Variants in MARCHF1 observed in about 807,000 individuals in gnomAD.
MARCHF1 encodes the protein membrane associated ring-CH-type finger 1.
In MARCHF1, 40 loss-of-function variants were observed where a neutral mutation model predicts 54.2. That is an observed-to-expected ratio of 0.74 (90% confidence interval 0.57 to 0.96). MARCHF1 has a LOEUF of 0.96. MARCHF1 is among the 40% of genes least tolerant of loss of function. The pLI is 0.00. For synonymous variants in MARCHF1, 236 were observed against 236.3 expected (o/e 1.00, Z 0.01); for missense variants, 586 against 656.5 (o/e 0.89, Z 1.17).
At chr4:163,898,080 A>AC in intron 3 of MARCHF1, among the ~76,000 whole-genome samples, 1 of 151,146 alleles carries the variant, frequency 6.6e-6, no homozygotes, top group Non-Finnish European at 1.5e-5. Context: ...AAAAAAAAAA[A>AC]AAAAATCCTT....
intron 2 of MARCHF1, among the ~76,000 whole-genome samples, chr4:164,095,423 C>T (rs894278511): frequency 1.4e-4 from 22 of 152,000 alleles, no homozygotes; most frequent in Non-Finnish European, 1.5e-5. Context: ...CAAACACACA[C>T]ACACACACAC....
chr4:163,837,403 T>C (rs1351515478), intron 4 of MARCHF1, among the ~76,000 whole-genome samples: 10 of 152,206 alleles, frequency 6.6e-5, no homozygotes, highest in African/African-American at 1.2e-4. Flanking sequence ...TTTTCAGTGC[T>C]AATTTAACAT....
At chr4:163,660,324 G>A (rs149748130) in intron 5 of MARCHF1, among the ~76,000 whole-genome samples, 5 of 152,086 alleles carry the variant, frequency 3.3e-5, no homozygotes, top group African/African-American at 1.2e-4. Flanking sequence ...AACACTGCAT[G>A]TTCTCATTCA....
chr4:164,111,685 G>A (rs182699520), intron 1 of MARCHF1, 23 bp from the exon 2 acceptor site: 28 of 151,760 alleles, frequency 1.8e-4, no homozygotes, highest in African/African-American at 6.0e-4. Context: ...TTAAATTAAT[G>A]TTAAGGCCAA....
At chr4:163,732,789 G>A (rs955121577) in intron 4 of MARCHF1, among the ~76,000 whole-genome samples, 20 of 152,078 alleles carry the variant, frequency 1.3e-4, no homozygotes, top group African/African-American at 3.9e-4. Context: ...TAAATATTAA[G>A]CAAAATAAAG....
At chr4:163,692,565 C>CA (rs1434223419) in intron 5 of MARCHF1, among the ~76,000 whole-genome samples, 1 of 151,632 alleles carries the variant, frequency 6.6e-6, no homozygotes, top group Non-Finnish European at 1.5e-5. Flanking sequence ...TAGCGAGATA[C>CA]CACAGGGCTG....
At chr4:163,776,506 C>T (rs989599700) in intron 4 of MARCHF1, among the ~76,000 whole-genome samples, 10 of 151,722 alleles carry the variant, frequency 6.6e-5, no homozygotes, top group African/African-American at 2.4e-4. Flanking sequence ...CACAATTTTC[C>T]AATAGTGTTT....
chr4:163,564,250 C>T (rs188632861), intron 8 of MARCHF1, among the ~76,000 whole-genome samples: 1 of 152,116 alleles, frequency 6.6e-6, no homozygotes, highest in Non-Finnish European at 1.5e-5. Context: ...AACCAAAAAG[C>T]CTTTGTTGAC....
chr4:163,730,042 G>T (rs1214029566), intron 4 of MARCHF1, among the ~76,000 whole-genome samples: 1 of 151,940 alleles, frequency 6.6e-6, no homozygotes, highest in African/African-American at 2.4e-5. Context: ...CCACTTGATG[G>T]TGTCCCAGTT....
chr4:164,227,047 T>C (rs2111167951), intron 1 of MARCHF1, among the ~76,000 whole-genome samples: 1 of 152,220 alleles, frequency 6.6e-6, no homozygotes, highest in South Asian at 2.1e-4. Flanking sequence ...AATAAATTTG[T>C]TAATAGTGAT....
intron 5 of MARCHF1, among the ~76,000 whole-genome samples, chr4:163,668,114 C>T (rs1426061839): frequency 6.6e-6 from 1 of 152,150 alleles, no homozygotes; most frequent in Non-Finnish European, 1.5e-5. Flanking sequence ...CAACATATGA[C>T]CAACTGATCA....
rs1235753149 is a variant in MARCHF1, at chr4:164,143,517, T to A, written c.-322-31855A>T. Among the ~76,000 whole-genome samples, 182 of 151,006 alleles carry A rather than the reference T, an allele frequency of 1.2e-3. 1 individual carries two copies. Among genetic ancestry groups the A allele is most frequent in the African/African-American group, 4.3e-3 (176 of 41,038 alleles). ...GCCAGAAGAGAGTGGGGGCCAATAT[T>A]CAACATTCTTAAAGAAAAGAATTTT... On this transcript the variant is annotated intron_variant, in intron 1 of 9. Coordinates refer to ENST00000514618, the MANE Select transcript of MARCHF1 (RefSeq NM_001394959.1).
chr4:163,627,519 A>G (rs1741913698), intron 5 of MARCHF1, among the ~76,000 whole-genome samples: 1 of 152,200 alleles, frequency 6.6e-6, no homozygotes, highest in African/African-American at 2.4e-5. Flanking sequence ...TCAGAAACAA[A>G]GGATGTGGGT....
intron 1 of MARCHF1, among the ~76,000 whole-genome samples, chr4:164,225,635 C>G (rs1475826417): frequency 1.3e-5 from 2 of 151,946 alleles, no homozygotes; most frequent in Non-Finnish European, 2.9e-5. Flanking sequence ...GTACTTTCCA[C>G]TACAATCATA....
chr4:163,911,318 A>T (rs1199350134), intron 3 of MARCHF1, among the ~76,000 whole-genome samples: 1 of 152,142 alleles, frequency 6.6e-6, no homozygotes, highest in Non-Finnish European at 1.5e-5. Context: ...TCTTTGTTGG[A>T]ACACACGAAG....
chr4:163,989,298 A>C (rs1752929154), intron 2 of MARCHF1, among the ~76,000 whole-genome samples: 1 of 151,988 alleles, frequency 6.6e-6, no homozygotes, highest in African/African-American at 2.4e-5. Flanking sequence ...AGAGAGAGAG[A>C]GAGAGAGAGA....
intron 1 of MARCHF1, among the ~76,000 whole-genome samples, chr4:164,334,922 C>G (rs368198764): frequency 9.9e-5 from 15 of 152,210 alleles, no homozygotes; most frequent in East Asian, 1.9e-4. Flanking sequence ...CTCAGAGGAG[C>G]AAGTAACTGC....
intron 1 of MARCHF1, among the ~76,000 whole-genome samples, chr4:164,317,130 A>T (rs1735021027): frequency 6.6e-6 from 1 of 152,218 alleles, no homozygotes; most frequent in Non-Finnish European, 1.5e-5. Flanking sequence ...AAGTGACATA[A>T]GTAAATACAT....
At chr4:164,285,926 A>T (rs908370430) in intron 1 of MARCHF1, among the ~76,000 whole-genome samples, 2 of 151,996 alleles carry the variant, frequency 1.3e-5, no homozygotes. Context: ...AACTTCTCAT[A>T]AAAAAATTAT....
Sources: allele counts gnomAD v4.1 joint callset (sites outside exome capture counted in the v4.1 genomes callset), GRCh38; gene constraint gnomAD v4.1.1; transcripts MANE v1.5; gene names NCBI Gene and HGNC (gene_info 2026-07-23, HGNC 2026-07-21).